CRPPA: variants seen among roughly 807,000 people sequenced by gnomAD.
CRPPA encodes CDP-L-ribitol pyrophosphorylase A.
A neutral mutation model predicts 52.0 loss-of-function variants in CRPPA; 43 were observed. The ratio of observed to expected loss-of-function variants is 0.83; its 90% confidence interval spans 0.65 to 1.07. The LOEUF is 1.07. Among genes scored for constraint, CRPPA ranks in the 50% least tolerant of loss-of-function variants. The pLI is 0.00. For synonymous variants in CRPPA, 250 were observed against 203.5 expected, an observed-to-expected ratio of 1.23 and a Z score of -1.94; for missense variants, 629 against 551.7, an observed-to-expected ratio of 1.14 and a Z score of -1.40.
chr7:16,310,130 G>A (rs6976273), intron 3 of CRPPA, among the ~76,000 whole-genome samples: 12,546 of 152,092 alleles, frequency 0.082, 873 homozygotes, highest in African/African-American at 0.19. Flanking sequence ...TGCACAAAAT[G>A]TTTTGACACT....
At chr7:16,106,584 T>C (rs915576758) in intron 9 of CRPPA, among the ~76,000 whole-genome samples, 9 of 152,248 alleles carry the variant, frequency 5.9e-5, no homozygotes, top group Non-Finnish European at 8.8e-5. Flanking sequence ...CCGTCTGGGG[T>C]TGTTACCAGC....
At chr7:16,324,827 C>T (rs1408308096) in intron 3 of CRPPA, among the ~76,000 whole-genome samples, 1 of 152,158 alleles carries the variant, frequency 6.6e-6, no homozygotes, top group Non-Finnish European at 1.5e-5. Flanking sequence ...CACTTTTGCT[C>T]CCATACTTGG....
intron 9 of CRPPA, among the ~76,000 whole-genome samples, chr7:16,206,611 T>C (rs1781979162): frequency 6.6e-6 from 1 of 152,086 alleles, no homozygotes; most frequent in Non-Finnish European, 1.5e-5. Flanking sequence ...GATTACAAGG[T>C]AAAATTTTAG....
At chr7:16,232,157 A>G (rs1178273454) in intron 8 of CRPPA, among the ~76,000 whole-genome samples, 1 of 152,158 alleles carries the variant, frequency 6.6e-6, no homozygotes, top group East Asian at 1.9e-4. Flanking sequence ...AAGGAACAGT[A>G]CTCAATGCAC....
intron 9 of CRPPA, among the ~76,000 whole-genome samples, chr7:16,177,268 T>C (rs1422804979): frequency 6.6e-6 from 1 of 152,118 alleles, no homozygotes; most frequent in Non-Finnish European, 1.5e-5. Context: ...AATGGAATGG[T>C]ATTCTAGATA....
intron 9 of CRPPA, among the ~76,000 whole-genome samples, chr7:16,110,465 G>C (rs1583362467): frequency 6.6e-6 from 1 of 151,884 alleles, no homozygotes; most frequent in Non-Finnish European, 1.5e-5. Flanking sequence ...AATAGCCAAG[G>C]CAGCCACGAG....
chr7:16,164,294 T>A (rs1780994841), intron 9 of CRPPA, among the ~76,000 whole-genome samples: 1 of 152,232 alleles, frequency 6.6e-6, no homozygotes, highest in Non-Finnish European at 1.5e-5. Context: ...TTCCACTTGA[T>A]CCATTTGGCT....
intron 9 of CRPPA, among the ~76,000 whole-genome samples, chr7:16,113,248 C>G (rs1782303075): frequency 6.6e-6 from 1 of 151,616 alleles, no homozygotes; most frequent in African/African-American, 2.4e-5. Flanking sequence ...ATTACTGAAA[C>G]TGGAGAAATA....
At chr7:16,117,231 C>T (rs1782393269) in intron 9 of CRPPA, among the ~76,000 whole-genome samples, 1 of 152,146 alleles carries the variant, frequency 6.6e-6, no homozygotes, top group South Asian at 2.1e-4. Flanking sequence ...TTTATTCCCA[C>T]TGTGAGCTGG....
At chr7:16,353,859 A>T (rs1329377416) in intron 3 of CRPPA, among the ~76,000 whole-genome samples, 1 of 152,156 alleles carries the variant, frequency 6.6e-6, no homozygotes, top group Non-Finnish European at 1.5e-5. Flanking sequence ...CACAAAAAAA[A>T]AAATAAAAAA....
intron 8 of CRPPA, among the ~76,000 whole-genome samples, chr7:16,247,010 A>G (rs1307243040): frequency 6.6e-6 from 1 of 152,238 alleles, no homozygotes; most frequent in Non-Finnish European, 1.5e-5. Context: ...TGTTCTTCCA[A>G]TAGAAGGCTG....
chr7:16,216,022 C>T (rs1583436610), intron 9 of CRPPA, 44 bp downstream of exon 9: 1 of 1,450,064 alleles, frequency 6.9e-7, no homozygotes. Flanking sequence ...ACCATTAAAA[C>T]TAGTCTACAG....
chr7:16,381,051 C>T (rs944028283), intron 2 of CRPPA, among the ~76,000 whole-genome samples: 33 of 151,242 alleles, frequency 2.2e-4, no homozygotes, highest in African/African-American at 8.0e-4. Flanking sequence ...TGTGTTTGCT[C>T]TTGCTTTTCT....
rs1332918116 is a variant in CRPPA at position 16,421,281 on chromosome 7, C to T, written c.42G>A (p.Pro14=). 1 of 1,278,810 alleles carries T rather than the reference C, an allele frequency of 7.8e-7. No individual in the cohort carries two copies. 79.2% of individuals were successfully genotyped at this position (1,278,810 alleles called of 1,614,324 possible). The change falls in exon 1 of 10, where the codon CCG becomes CCA. Residue 14 remains proline (P), a synonymous_variant. Coordinates refer to ENST00000407010, the MANE Select transcript of CRPPA (RefSeq NM_001101426.4). The stretch of plus-strand genomic sequence containing the variant: ...CGCGCTGACCACTCAGGCAAGGACC[C>T]GGCTCCGCCGGCCTGGCGCTGCCCG... ...GPPGSARPAE[P]GPCLSGQRGA...
chr7:16,362,053 A>G (rs527282874), intron 3 of CRPPA, among the ~76,000 whole-genome samples: 10 of 152,022 alleles, frequency 6.6e-5, no homozygotes, highest in African/African-American at 9.7e-5. Flanking sequence ...ACGGGGTTTC[A>G]CCATGTTAGC....
chr7:16,261,581 G>T (rs73060580), intron 6 of CRPPA, among the ~76,000 whole-genome samples: 2,439 of 143,534 alleles, frequency 0.017, 29 homozygotes, highest in Admixed American at 0.038. Flanking sequence ...CAAGTAGTTG[G>T]TTGTTTTGGA....
chr7:16,240,303 T>C (rs1186925983), intron 8 of CRPPA, among the ~76,000 whole-genome samples: 2 of 151,592 alleles, frequency 1.3e-5, no homozygotes, highest in Non-Finnish European at 2.9e-5. Flanking sequence ...TGAGACTTAC[T>C]ACATCAGCAG....
rs752804204 is a variant in CRPPA, at chr7:16,165,637, G to A, written c.1251+50429C>T. On this transcript the variant is annotated intron_variant, in intron 9 of 9. Transcript: ENST00000407010. ...TGTCAGATGGAACCCACATGCAAAT[G>A]CAAATTCAAAAACAGCCTTTTCCTT... 9.2e-5 allele frequency among the ~76,000 whole-genome samples: 14 copies of A among 152,294 alleles called. No homozygotes were observed. The South Asian group carries it at 1.7e-3, about 18-fold the overall frequency.
At chr7:16,222,314 G>T in intron 8 of CRPPA, among the ~76,000 whole-genome samples, 1 of 112,582 alleles carries the variant, frequency 8.9e-6, no homozygotes, top group Non-Finnish European at 1.8e-5. Flanking sequence ...GGAGGGGGGA[G>T]GGATAGCATT....
Sources: gnomAD v4.1 joint callset for allele counts (sites outside exome capture counted in the v4.1 genomes callset) on GRCh38, gnomAD v4.1.1 for gene constraint, MANE v1.5 for transcripts, NCBI Gene and HGNC (gene_info 2026-07-23, HGNC 2026-07-21) for gene names.